The following PCNX2 variants were observed in gnomAD, a reference collection of about 807,000 sequenced individuals.
PCNX2 encodes the protein pecanex-like protein 2.
Under a neutral mutation model 223.8 loss-of-function variants are expected in PCNX2, and 168 were observed. That is an observed-to-expected ratio of 0.75 (90% confidence interval 0.66 to 0.85). PCNX2 has a LOEUF of 0.85. PCNX2 is among the 40% of genes least tolerant of loss of function. The pLI is 0.00. For synonymous variants in PCNX2, 1,006 were observed against 1,052.6 expected (o/e 0.96, Z 0.86); for missense variants, 2,507 against 2,675.5 (o/e 0.94, Z 1.39).
At chr1:233,220,990 G>A (rs1027600243) in intron 10 of PCNX2, among the ~76,000 whole-genome samples, 3 of 152,188 alleles carry the variant, frequency 2.0e-5, no homozygotes, top group Non-Finnish European at 2.9e-5. Flanking sequence ...TGGAGCTGGG[G>A]CTGCCGAGAG....
chr1:233,240,049 A>G (rs1269051051), intron 8 of PCNX2, among the ~76,000 whole-genome samples: 1 of 152,188 alleles, frequency 6.6e-6, no homozygotes, highest in African/African-American at 2.4e-5. Context: ...CTGTATTGTC[A>G]TCTGTATTGT....
At chr1:233,143,123 C>T (rs1429587980) in intron 19 of PCNX2, among the ~76,000 whole-genome samples, 1 of 152,190 alleles carries the variant, frequency 6.6e-6, no homozygotes, top group Admixed American at 6.5e-5. Context: ...CCCAAAGGAA[C>T]TTTCAAATAC....
At chr1:233,131,386 G>GA (rs1229868701) in intron 21 of PCNX2, among the ~76,000 whole-genome samples, 10 of 149,432 alleles carry the variant, frequency 6.7e-5, no homozygotes, top group Admixed American at 2.6e-4. Flanking sequence ...TTTTTTTTTT[G>GA]AAAAAAAATA....
Position 233,252,484 on chromosome 1 carries a change from T to C in PCNX2, c.1998A>G (p.Arg666=). 2 of 1,609,730 alleles carry C rather than the reference T, an allele frequency of 1.2e-6. No homozygotes were observed. Among genetic ancestry groups the C allele is most frequent in the Non-Finnish European group, 8.5e-7 (1 of 1,177,482 alleles). The part of the protein sequence containing the change: ...AKTTAFFQGN[R]QRQIIYRVTS... ...TTACCCTGTAGATTATCTGTCTTTG[T>C]CTATTGCCCTGAAAACTTAACACAT... is the stretch of plus-strand genomic sequence containing the variant. Residue 666 remains arginine (R), a synonymous_variant, in exon 7 of 34, where the codon AGA becomes AGG. Coordinates refer to ENST00000258229, the MANE Select transcript of PCNX2 (RefSeq NM_014801.4).
rs898884572 is a variant in PCNX2, at chr1:233,288,994, G to A, written c.153+6332C>T. On this transcript the variant is annotated intron_variant, in intron 1 of 33. Coordinates refer to ENST00000258229, the MANE Select transcript of PCNX2 (RefSeq NM_014801.4). ...TTGTCCAAATGAACCTTCATGAGCCGGCTGCCATCTAGTTTCACGCGGATT... is the reference window on the plus strand; with the variant it reads ...TTGTCCAAATGAACCTTCATGAGCCAGCTGCCATCTAGTTTCACGCGGATT... 30 of 1,503,224 alleles carry A rather than the reference G, an allele frequency of 2.0e-5. 1 individual carries two copies. The East Asian group carries it at 2.7e-4, about 14-fold the overall frequency. 93.1% of individuals were successfully genotyped at this position (1,503,224 alleles called of 1,614,324 possible). A position where few individuals can be genotyped will look rare whatever the true frequency, so the allele number is the denominator to read the frequency against.
Position 233,217,898 on chromosome 1 carries a change from C to T in PCNX2, c.2691+1G>A, listed in dbSNP as rs1206599005. Reference sequence around the variant, plus strand: ...CTACTTGCCTGTATTTGGAAACTTACGTGTATTGGTGAGGCGGGGTCAGGC... The same window carrying T: ...CTACTTGCCTGTATTTGGAAACTTATGTGTATTGGTGAGGCGGGGTCAGGC... On this transcript the variant is annotated splice_donor_variant, in intron 12 of 33. Coordinates refer to ENST00000258229, the MANE Select transcript of PCNX2 (RefSeq NM_014801.4). LOFTEE classifies it high-confidence loss of function. 3.1e-6 allele frequency: 5 copies of T among 1,613,868 alleles called. No homozygotes were observed. Among genetic ancestry groups the T allele is most frequent in the East Asian group, 2.2e-5 (1 of 44,876 alleles).
intron 1 of PCNX2, among the ~76,000 whole-genome samples, chr1:233,271,925 T>C (rs1451716162): frequency 6.6e-6 from 1 of 152,218 alleles, no homozygotes; most frequent in Non-Finnish European, 1.5e-5. Flanking sequence ...CCAGATTTGT[T>C]CTTTTTGCTT....
At chr1:233,090,327 C>G (rs994473371) in intron 22 of PCNX2, 137 bp from the exon 23 acceptor site, 7 of 1,012,566 alleles carry the variant, frequency 6.9e-6, no homozygotes, top group African/African-American at 1.6e-5. Flanking sequence ...CTTAATCTCT[C>G]TATGTATAGA....
chr1:233,234,545 T>G (rs1042359886), intron 9 of PCNX2, among the ~76,000 whole-genome samples: 1 of 152,246 alleles, frequency 6.6e-6, no homozygotes, highest in Non-Finnish European at 1.5e-5. Flanking sequence ...AAATAAGGAA[T>G]GGCAGGACTA....
chr1:232,986,063 G>A (rs1435122100), intron 33 of PCNX2, 29 bp downstream of exon 33: 10 of 1,551,316 alleles, frequency 6.4e-6, no homozygotes, highest in Middle Eastern at 1.7e-4. Flanking sequence ...ATCCCAGCCT[G>A]TCCTGGTGAG....
intron 1 of PCNX2, among the ~76,000 whole-genome samples, chr1:233,273,046 T>C (rs1660726103): frequency 6.6e-6 from 1 of 151,488 alleles, no homozygotes; most frequent in Non-Finnish European, 1.5e-5. Context: ...GGGTATAGTG[T>C]ATACTGCTTG....
At position 233,199,000 on chromosome 1, in the gene PCNX2, C is replaced by G; in HGVS notation, c.3005G>C (p.Ser1002Thr). 1 of 1,603,260 alleles carries G rather than the reference C, an allele frequency of 6.2e-7. No individual in the cohort carries two copies. Among genetic ancestry groups the G allele is most frequent in the East Asian group, 2.3e-5 (1 of 44,418 alleles). ...AVSGITSAVY[S>T]VARSVLAAAL... The stretch of plus-strand genomic sequence containing the variant: ...GGCAGCCAAGACGCTCCGGGCCACA[C>G]TGTAAACAGCCGAGGTTATCCCAGA... Residue 1002 changes from serine (S) to threonine (T), a missense_variant, in exon 15 of 34, where the codon AGT (serine) becomes ACT (threonine). This residue lies in a region of PCNX2 where 1,372 missense variants were observed against 1,509.4 expected (regional missense o/e 0.91). Coordinates refer to ENST00000258229, the MANE Select transcript of PCNX2 (RefSeq NM_014801.4).
intron 20 of PCNX2, among the ~76,000 whole-genome samples, chr1:233,138,464 G>A (rs1676930581): frequency 6.6e-6 from 1 of 152,092 alleles, no homozygotes; most frequent in African/African-American, 2.4e-5. Context: ...TGCTACTCTG[G>A]CTTTGAATAT....
At chr1:233,122,881 A>C (rs1196892010) in intron 21 of PCNX2, among the ~76,000 whole-genome samples, 2 of 152,198 alleles carry the variant, frequency 1.3e-5, no homozygotes, top group Non-Finnish European at 2.9e-5. Context: ...CTTCCTCCCC[A>C]AAACACATAA....
At chr1:233,107,767 A>G (rs1308484670) in intron 21 of PCNX2, among the ~76,000 whole-genome samples, 1 of 152,210 alleles carries the variant, frequency 6.6e-6, no homozygotes, top group Non-Finnish European at 1.5e-5. Context: ...CACGTAAACC[A>G]GAACAACTGC....
chr1:233,272,354 A>G (rs1426704571), intron 1 of PCNX2, among the ~76,000 whole-genome samples: 2 of 152,182 alleles, frequency 1.3e-5, no homozygotes, highest in Admixed American at 6.5e-5. Flanking sequence ...ACAATTATCA[A>G]AAGAAGATAT....
At position 233,116,555 on chromosome 1, in the gene PCNX2, G is replaced by T. The variant is rs1182356389; in HGVS notation, c.3837+18458C>A. On this transcript the variant is annotated intron_variant, in intron 21 of 33. Coordinates refer to ENST00000258229, the MANE Select transcript of PCNX2 (RefSeq NM_014801.4). The stretch of plus-strand genomic sequence containing the variant: ...ATGACATACTTCTAAATAATCCATG[G>T]ATCAAAGAGGAAGTCTTAAGGGGAA... Among the ~76,000 whole-genome samples, 3 of 152,186 alleles carry T rather than the reference G, an allele frequency of 2.0e-5. No individual in the cohort carries two copies. The East Asian group carries it at 5.8e-4, about 29-fold the overall frequency.
At chr1:233,027,863 A>C (rs1242965595) in intron 25 of PCNX2, among the ~76,000 whole-genome samples, 1 of 152,216 alleles carries the variant, frequency 6.6e-6, no homozygotes, top group East Asian at 1.9e-4. Context: ...TTCTTTGCTA[A>C]TATAAACTTT....
At chr1:233,305,850 A>G in the PCNX2 span, among the ~76,000 whole-genome samples, 3 of 152,258 alleles carry the variant, frequency 2.0e-5, no homozygotes, top group East Asian at 5.8e-4. Flanking sequence ...AGGAAGAGAA[A>G]AACAAAAACA....
Sources: gnomAD v4.1 joint callset for allele counts (sites outside exome capture counted in the v4.1 genomes callset) on GRCh38, gnomAD v4.1.1 for gene constraint, gnomAD v4.1.1 regional missense constraint, MANE v1.5 for transcripts, NCBI Gene and HGNC (gene_info 2026-07-23, HGNC 2026-07-21) for gene names.